The following PLEKHA2 variants were observed in gnomAD, a reference collection of about 807,000 sequenced individuals.
PLEKHA2 encodes pleckstrin homology domain-containing family A member 2.
In PLEKHA2, 28 loss-of-function variants were observed where a neutral mutation model predicts 53.2. That is an observed-to-expected ratio of 0.53 (90% CI 0.39 to 0.72). The LOEUF is 0.72. Among genes scored for constraint, PLEKHA2 ranks in the 30% least tolerant of loss-of-function variants. The pLI, the probability that PLEKHA2 is intolerant of heterozygous loss-of-function variation, is 0.00. For synonymous variants in PLEKHA2, 193 were observed against 196.4 expected, an observed-to-expected ratio of 0.98 and a Z score of 0.14; for missense variants, 426 against 537.9, an observed-to-expected ratio of 0.79 and a Z score of 2.06.
At chr8:38,918,312 C>A (rs72636200) in intron 2 of PLEKHA2, among the ~76,000 whole-genome samples, 1 of 149,364 alleles carries the variant, frequency 6.7e-6, no homozygotes, top group Non-Finnish European at 1.5e-5. Context: ...ACACACACAC[C>A]ACACACACAC....
chr8:38,912,874 G>T (rs946366802), intron 1 of PLEKHA2, among the ~76,000 whole-genome samples: 2 of 152,132 alleles, frequency 1.3e-5, no homozygotes, highest in African/African-American at 4.8e-5. Context: ...GATGAGCTCT[G>T]TGACTCAGCT....
chr8:38,931,540 C>A (rs577423583), intron 2 of PLEKHA2, among the ~76,000 whole-genome samples: 1 of 152,320 alleles, frequency 6.6e-6, no homozygotes, highest in Admixed American at 6.5e-5. Flanking sequence ...GTCTTGGGAG[C>A]TGCAAACTGA....
intron 9 of PLEKHA2, among the ~76,000 whole-genome samples, chr8:38,954,376 G>T (rs1244787626): frequency 2.0e-5 from 3 of 152,202 alleles, no homozygotes; most frequent in African/African-American, 7.2e-5. Flanking sequence ...CTAGAAGTAG[G>T]CAGAGGGAAG....
chr8:38,961,637 C>A (rs1835043870), intron 10 of PLEKHA2, among the ~76,000 whole-genome samples: 1 of 152,096 alleles, frequency 6.6e-6, no homozygotes, highest in African/African-American at 2.4e-5. Context: ...GCAGTTTTAC[C>A]CACCATGCCA....
At chr8:38,959,784 G>T (rs1038703663) in intron 10 of PLEKHA2, among the ~76,000 whole-genome samples, 1 of 152,180 alleles carries the variant, frequency 6.6e-6, no homozygotes, top group African/African-American at 2.4e-5. Flanking sequence ...AGGGAGAGAG[G>T]ACAGGTATGC....
At chr8:38,920,607 C>T (rs563448423) in intron 2 of PLEKHA2, among the ~76,000 whole-genome samples, 197 of 146,232 alleles carry the variant, frequency 1.3e-3, no homozygotes, top group Non-Finnish European at 2.2e-3. Context: ...GATCTTACTC[C>T]GTTGCCCAGG....
chr8:38,953,476 C>T (rs1022326650), intron 9 of PLEKHA2, 109 bp downstream of exon 9: 63 of 1,140,026 alleles, frequency 5.5e-5, no homozygotes, highest in Admixed American at 3.8e-4. Context: ...CTTCCAAGAG[C>T]CAGGCACAGG....
chr8:38,960,366 C>G (rs921696289), intron 10 of PLEKHA2, among the ~76,000 whole-genome samples: 13 of 152,118 alleles, frequency 8.5e-5, no homozygotes, highest in Admixed American at 3.3e-4. Context: ...GTCGTCCCAG[C>G]TACTTGGGAG....
chr8:38,962,243 C>T (rs1262517948), intron 10 of PLEKHA2, among the ~76,000 whole-genome samples: 1 of 152,088 alleles, frequency 6.6e-6, no homozygotes, highest in Admixed American at 6.5e-5. Flanking sequence ...AATCCCAGCA[C>T]TTTGGGAGGC....
intron 1 of PLEKHA2, among the ~76,000 whole-genome samples, chr8:38,911,793 T>C (rs577154672): frequency 2.6e-5 from 4 of 152,054 alleles, no homozygotes; most frequent in South Asian, 2.1e-4. Context: ...CTGGGCTATG[T>C]AGGGAGACCC....
chr8:38,949,632 G>A (rs1253516110), intron 5 of PLEKHA2, among the ~76,000 whole-genome samples: 1 of 152,192 alleles, frequency 6.6e-6, no homozygotes, highest in African/African-American at 2.4e-5. Context: ...CCATATCTCT[G>A]TCAAGGAAGA....
chr8:38,967,025 T>A (rs2129424999), intron 10 of PLEKHA2, among the ~76,000 whole-genome samples: 1 of 149,080 alleles, frequency 6.7e-6, no homozygotes, highest in South Asian at 2.2e-4. Context: ...TAGCTCCCAG[T>A]TATAAGTGAG....
intron 10 of PLEKHA2, among the ~76,000 whole-genome samples, chr8:38,958,028 T>C (rs1213638935): frequency 6.6e-6 from 1 of 152,156 alleles, no homozygotes; most frequent in Non-Finnish European, 1.5e-5. Flanking sequence ...ACTTTTAGTA[T>C]TGAAACTGAC....
Position 38,953,354 on chromosome 8 carries a change from C to T in PLEKHA2, c.760C>T (p.Leu254=). 1 of 1,611,196 alleles carries T rather than the reference C, an allele frequency of 6.2e-7. No homozygotes were observed. The highest frequency in any genetic ancestry group is 1.3e-5 in the African/African-American group (1 of 74,982). The change falls in exon 9 of 12, where the codon CTG becomes TTG. Residue 254 remains leucine, a synonymous_variant. Transcript: ENST00000617275. ...LKDVLKTHEC[L]VKSGDLLMRD... is the part of the protein sequence containing the mutation. The stretch of plus-strand genomic sequence containing the variant: ...GGATGTTCTGAAGACCCATGAATGT[C>T]TGGTCAAGTCTGGGTAATTGTGTCT...
intron 2 of PLEKHA2, among the ~76,000 whole-genome samples, chr8:38,918,468 CACACACGACACACACCATA>C (rs1834106982): frequency 2.8e-5 from 1 of 36,124 alleles, no homozygotes; most frequent in Non-Finnish European, 6.0e-5. Flanking sequence ...TACACACATG[CACACACGACACACACCATA>C]CACACAACCC....
At chr8:38,929,884 G>A (rs953732851) in intron 2 of PLEKHA2, among the ~76,000 whole-genome samples, 1 of 152,186 alleles carries the variant, frequency 6.6e-6, no homozygotes, top group African/African-American at 2.4e-5. Flanking sequence ...TGGATCGATA[G>A]TTGGGTCTTC....
intron 10 of PLEKHA2, among the ~76,000 whole-genome samples, chr8:38,964,256 G>A (rs1424006874): frequency 6.6e-6 from 1 of 152,080 alleles, no homozygotes; most frequent in Non-Finnish European, 1.5e-5. Context: ...TTAGAGCAGC[G>A]ATCCCCAACC....
At chr8:38,968,864 A>T in intron 11 of PLEKHA2, 195 bp downstream of exon 11, 5 of 520,608 alleles carry the variant, frequency 9.6e-6, no homozygotes, top group East Asian at 3.2e-5. Context: ...TTGTGGGAGG[A>T]GGTGAGGTAG....
chr8:38,953,431 A>C, intron 9 of PLEKHA2, 64 bp downstream of exon 9: 1 of 1,427,562 alleles, frequency 7.0e-7, no homozygotes, highest in Non-Finnish European at 9.9e-7. Context: ...ATCTCCCTTT[A>C]CTACCCTTCA....
Sources: allele counts gnomAD v4.1 joint callset (sites outside exome capture counted in the v4.1 genomes callset), GRCh38; gene constraint gnomAD v4.1.1; transcripts MANE v1.5; gene names NCBI Gene and HGNC (gene_info 2026-07-23, HGNC 2026-07-21).